PDZD9: variants seen among roughly 807,000 people sequenced by gnomAD.
PDZD9 encodes PDZ domain containing 9, also known as PDZ domain-containing protein 9.
Under a neutral mutation model 16.3 loss-of-function variants are expected in PDZD9, and 13 were observed. The ratio of observed to expected loss-of-function variants is 0.80; its 90% CI spans 0.52 to 1.27. PDZD9 has a LOEUF of 1.27. PDZD9 is among the 50% of genes most tolerant of loss of function. The probability of loss-of-function intolerance (pLI) is 0.00; values close to 1 mark genes in which losing one functional copy is unlikely to be tolerated. For missense variants in PDZD9, 288 were observed against 310.9 expected (o/e 0.93, Z 0.55); for synonymous variants, 120 against 111.0 (o/e 1.08, Z -0.51).
chr16:21,967,149 G>A, the PDZD9 span, among the ~76,000 whole-genome samples: 1 of 152,070 alleles, frequency 6.6e-6, no homozygotes. Flanking sequence ...AGAAATTGGC[G>A]CTAGAATACT....
rs1898808886 is a variant in PDZD9, at chr16:21,984,188, T to A, written c.*79A>T. The stretch of plus-strand genomic sequence containing the variant: ...TGGTGAGTCTACAGACAGTCCTTGA[T>A]AAGTACAGCAAACTTGTGCCTGGTG... On this transcript the variant is annotated 3_prime_UTR_variant, in exon 4 of 4. Transcript: ENST00000424898. 1.0e-5 allele frequency: 15 copies of A among 1,466,092 alleles called. No homozygotes were observed. In the South Asian group the frequency reaches 2.0e-4, roughly 20 times the overall value. The allele number at this position is 1,466,092 out of a possible 1,614,324, so 90.8% of individuals were successfully genotyped here.
the PDZD9 span, among the ~76,000 whole-genome samples, chr16:21,969,254 C>T: frequency 1.3e-5 from 2 of 152,184 alleles, no homozygotes; most frequent in Admixed American, 6.5e-5. Flanking sequence ...AAATTCTAGG[C>T]TGGGCATGGT....
the PDZD9 span, among the ~76,000 whole-genome samples, chr16:21,964,168 C>T: frequency 6.6e-6 from 1 of 152,138 alleles, no homozygotes; most frequent in Non-Finnish European, 1.5e-5. Context: ...CTTGGTGTCA[C>T]AGAGGAGCAT....
the PDZD9 span, chr16:21,968,647 A>T: frequency 6.2e-7 from 1 of 1,609,228 alleles, no homozygotes; most frequent in Non-Finnish European, 8.5e-7. Context: ...TTCGTTCAGA[A>T]CCATTTCACA....
At chr16:21,983,002 T>A, downstream of PDZD9, 1 of 1,185,258 alleles carries the variant, frequency 8.4e-7, no homozygotes, top group Non-Finnish European at 1.2e-6. Context: ...TATCCATAAA[T>A]TCTTGAAATG....
At chr16:21,972,753 A>G in the PDZD9 span, among the ~76,000 whole-genome samples, 1 of 152,156 alleles carries the variant, frequency 6.6e-6, no homozygotes, top group East Asian at 1.9e-4. Context: ...CTAGTTCAGA[A>G]CTCAGCCAGA....
At chr16:21,958,051 T>G in the PDZD9 span, among the ~76,000 whole-genome samples, 3 of 152,210 alleles carry the variant, frequency 2.0e-5, no homozygotes, top group East Asian at 5.8e-4. Flanking sequence ...TATTACCAAA[T>G]AAAGTAACAT....
At chr16:21,966,462 C>G in the PDZD9 span, among the ~76,000 whole-genome samples, 1 of 152,050 alleles carries the variant, frequency 6.6e-6, no homozygotes, top group Non-Finnish European at 1.5e-5. Flanking sequence ...ACCACCCAGA[C>G]CCAAAAACAA....
chr16:21,995,402 CAGCATCTCA>C, intron 2 of PDZD9: 1 of 349,280 alleles, frequency 2.9e-6, no homozygotes, highest in South Asian at 2.1e-5. Flanking sequence ...CTAATATAGA[CAGCATCTCA>C]CTGTGTTGCT....
downstream of PDZD9, among the ~76,000 whole-genome samples, chr16:21,982,062 G>T (rs192170685): frequency 1.5e-3 from 222 of 151,872 alleles, 1 homozygote; most frequent in African/African-American, 5.2e-3. Flanking sequence ...GGATGGTCTC[G>T]ATCTCCTGAC....
Position 21,988,795 on chromosome 16 carries a change from A to G in PDZD9, c.212-4T>C, listed in dbSNP as rs2141956624. 1 of 1,593,054 alleles carries G rather than the reference A, an allele frequency of 6.3e-7. No homozygotes were observed. Among genetic ancestry groups the G allele is most frequent in the Non-Finnish European group, 8.5e-7 (1 of 1,174,118 alleles). ...CCAACACTAATCAGAACATCACCTG[A>G]AGAGGGAAAAAATTATGTATCAGTA... is the stretch of plus-strand genomic sequence containing the variant. On this transcript the variant is annotated splice_region_variant and splice_polypyrimidine_tract_variant and intron_variant, in intron 2 of 3. Coordinates refer to ENST00000424898, the MANE Select transcript of PDZD9 (RefSeq NM_001363519.1).
At chr16:21,987,279 G>A (rs1261895854) in intron 3 of PDZD9, among the ~76,000 whole-genome samples, 1 of 152,108 alleles carries the variant, frequency 6.6e-6, no homozygotes, top group Admixed American at 6.6e-5. Flanking sequence ...AATTAGCTGG[G>A]TGTGTTGGCA....
chr16:21,965,981 G>A, the PDZD9 span, among the ~76,000 whole-genome samples: 1 of 152,034 alleles, frequency 6.6e-6, no homozygotes, highest in Non-Finnish European at 1.5e-5. Flanking sequence ...ATTGCACCCA[G>A]CCTGTGTATC....
chr16:21,966,062 T>C, the PDZD9 span, among the ~76,000 whole-genome samples: 8 of 151,572 alleles, frequency 5.3e-5, no homozygotes, highest in Admixed American at 4.6e-4. Context: ...GCGTGTAATC[T>C]CAGCACTTTG....
At chr16:21,967,928 C>G in the PDZD9 span, among the ~76,000 whole-genome samples, 3 of 151,658 alleles carry the variant, frequency 2.0e-5, no homozygotes, top group Admixed American at 6.6e-5. Flanking sequence ...ACTACGTAAG[C>G]TACATTATAA....
the PDZD9 span, among the ~76,000 whole-genome samples, chr16:21,973,584 A>T: frequency 6.6e-6 from 1 of 152,222 alleles, no homozygotes; most frequent in East Asian, 1.9e-4. Context: ...TATCTATATT[A>T]TAATAATAAT....
downstream of PDZD9, chr16:21,983,250 T>C (rs754246900): frequency 7.9e-7 from 1 of 1,262,710 alleles, no homozygotes; most frequent in Non-Finnish European, 1.1e-6. Context: ...CAGAAGTCTC[T>C]AATATATCAT....
intron 2 of PDZD9, among the ~76,000 whole-genome samples, chr16:21,991,522 A>T (rs1229531752): frequency 6.6e-6 from 1 of 152,174 alleles, no homozygotes; most frequent in Non-Finnish European, 1.5e-5. Context: ...GGTGTGTGCT[A>T]TCGCACCCGG....
At chr16:21,960,295 T>G in the PDZD9 span, among the ~76,000 whole-genome samples, 1 of 152,244 alleles carries the variant, frequency 6.6e-6, no homozygotes, top group Non-Finnish European at 1.5e-5. Flanking sequence ...TACTATTATA[T>G]TAAGAAGATG....
Sources: allele counts gnomAD v4.1 joint callset (sites outside exome capture counted in the v4.1 genomes callset), GRCh38; gene constraint gnomAD v4.1.1; transcripts MANE v1.5; gene names NCBI Gene and HGNC (gene_info 2026-07-23, HGNC 2026-07-21).